PCGF2: variants seen among roughly 807,000 people sequenced by gnomAD.
PCGF2 encodes the protein polycomb group ring finger 2, also known as polycomb group RING finger protein 2.
Under a neutral mutation model 36.1 loss-of-function variants are expected in PCGF2, and 8 were observed. The ratio of observed to expected loss-of-function variants is 0.22; its 90% confidence interval spans 0.13 to 0.40. PCGF2 has a LOEUF of 0.40. PCGF2 is among the 10% of genes least tolerant of loss of function. The pLI is 1.00. For missense variants in PCGF2, 436 were observed against 475.9 expected (o/e 0.92, Z 0.78); for synonymous variants, 198 against 191.2 (o/e 1.04, Z -0.29).
rs947817635 is a variant in PCGF2, at chr17:38,736,114, G to A, written c.633C>T (p.Ile211=). 8 of 1,584,484 alleles carry A rather than the reference G, an allele frequency of 5.0e-6. No homozygotes were observed. The highest frequency in any genetic ancestry group is 3.6e-5 in the Admixed American group (2 of 55,338). The change falls in exon 10 of 11, where the codon ATC becomes ATT. Residue 211 remains isoleucine, a synonymous_variant. Transcript: ENST00000620225. Reference sequence around the variant, plus strand: ...CCCGCCGCCAGGGGTAGATGTAGGCGATGTCCATGAGGGTGTAGTATTCCT... The same window carrying A: ...CCCGCCGCCAGGGGTAGATGTAGGCAATGTCCATGAGGGTGTAGTATTCCT... ...PLKEYYTLMD[I]AYIYPWRRNG...
At chr17:38,745,187 T>C (rs1452826363) in intron 2 of PCGF2, among the ~76,000 whole-genome samples, 2 of 152,038 alleles carry the variant, frequency 1.3e-5, no homozygotes, top group Non-Finnish European at 2.9e-5. Context: ...AAAACATTAG[T>C]TGGGTGTGGT....
intron 2 of PCGF2, among the ~76,000 whole-genome samples, chr17:38,747,620 G>A (rs1907621904): frequency 6.6e-6 from 1 of 151,878 alleles, no homozygotes. Context: ...GGAGGTGCCC[G>A]AGAGGACCCG....
chr17:38,738,602 A>T lies in PCGF2; in HGVS notation c.426-7T>A. 1 of 1,567,938 alleles carries T rather than the reference A, an allele frequency of 6.4e-7. No individual in the cohort carries two copies. The highest frequency in any genetic ancestry group is 8.6e-7 in the Non-Finnish European group (1 of 1,158,374). On this transcript the variant is annotated splice_polypyrimidine_tract_variant and splice_region_variant and intron_variant, in intron 7 of 10. Coordinates refer to ENST00000620225, the MANE Select transcript of PCGF2 (RefSeq NM_007144.3). Reference sequence around the variant, plus strand: ...CTTCTTCTCGTCCCGGTCCCTGGGGACGGAGAAAGAATGAAGCTAGGAAGA... The same window carrying T: ...CTTCTTCTCGTCCCGGTCCCTGGGGTCGGAGAAAGAATGAAGCTAGGAAGA...
chr17:38,740,915 C>T (rs1278916107), intron 2 of PCGF2, among the ~76,000 whole-genome samples: 1 of 152,088 alleles, frequency 6.6e-6, no homozygotes, highest in East Asian at 1.9e-4. Flanking sequence ...TTTCTGGCCA[C>T]CTCTGAGAGT....
chr17:38,741,225 T>A (rs1053262280), intron 2 of PCGF2, among the ~76,000 whole-genome samples: 1 of 150,226 alleles, frequency 6.7e-6, no homozygotes, highest in African/African-American at 2.5e-5. Flanking sequence ...GAGCCGTGAT[T>A]ATGCCACTGC....
At chr17:38,746,991 A>G (rs1907573455) in intron 2 of PCGF2, among the ~76,000 whole-genome samples, 2 of 152,182 alleles carry the variant, frequency 1.3e-5, no homozygotes, top group Admixed American at 6.5e-5. Context: ...ATCAGAACAG[A>G]GCGGGGAGGG....
chr17:38,749,488 C>CCA, upstream of PCGF2: 1 of 394,710 alleles, frequency 2.5e-6, no homozygotes, highest in Non-Finnish European at 5.3e-6. The surrounding 1 kb of genome is among the most constrained non-coding windows in gnomAD (Gnocchi z 6.5). Flanking sequence ...CGTTACTGGA[C>CCA]GCCCGTGGGC....
chr17:38,742,203 C>T (rs1235147620), intron 2 of PCGF2, among the ~76,000 whole-genome samples: 2 of 152,234 alleles, frequency 1.3e-5, no homozygotes, highest in Non-Finnish European at 2.9e-5. Flanking sequence ...GCAGCCCTCC[C>T]TCCTCTTTCC....
chr17:38,735,397 G>C lies in PCGF2; in HGVS notation c.861C>G (p.Pro287=). 6.4e-7 allele frequency: 1 copy of C among 1,571,382 alleles called. No individual in the cohort carries two copies. Among genetic ancestry groups the C allele is most frequent in the Non-Finnish European group, 8.6e-7 (1 of 1,157,694 alleles). ...PSPATPSHGS[P]SSHGPPATHP... is the part of the protein sequence containing the mutation. ...GGGTGGCTGGAGGCCCATGGGAACTGGGAGAGCCATGGGATGGGGTGGCTG... is the reference window on the plus strand; with the variant it reads ...GGGTGGCTGGAGGCCCATGGGAACTCGGAGAGCCATGGGATGGGGTGGCTG... Residue 287 remains proline (P), a synonymous_variant, in exon 11 of 11, where the codon CCC becomes CCG. Transcript: ENST00000620225.
rs149466132 is a variant in PCGF2, at chr17:38,740,141, G to T, written c.112+150C>A. The T allele has an allele frequency of 4.7e-4, 317 of 668,794 alleles. 1 individual carries two copies. The highest frequency in any genetic ancestry group is 2.5e-3 in the South Asian group (134 of 52,756). 41.4% of individuals were successfully genotyped at this position (668,794 alleles called of 1,614,324 possible). Reference sequence around the variant, plus strand: ...GCGCCCAGTCGCCCCTGCGAGGTAGGCCCTCTGTGACCTAAGGATTCCCAG... The same window carrying T: ...GCGCCCAGTCGCCCCTGCGAGGTAGTCCCTCTGTGACCTAAGGATTCCCAG... On this transcript the variant is annotated intron_variant, in intron 3 of 10. Coordinates refer to ENST00000620225, the MANE Select transcript of PCGF2 (RefSeq NM_007144.3).
At position 38,734,484 on chromosome 17, in the gene PCGF2, C is replaced by T. The variant is rs1598010705; in HGVS notation, c.*739G>A. 6.6e-6 allele frequency: 1 copy of T among 150,528 alleles called. No homozygotes were observed. The highest frequency in any genetic ancestry group is 1.5e-5 in the Non-Finnish European group (1 of 67,860). The allele number at this position is 150,528 out of a possible 1,614,324, so 9.3% of individuals were successfully genotyped here. On this transcript the variant is annotated 3_prime_UTR_variant, in exon 11 of 11. Coordinates refer to ENST00000620225, the MANE Select transcript of PCGF2 (RefSeq NM_007144.3). ...AGCTGAGACCTCTCAGGGCCTGAAT[C>T]TTCTTTTCCACAAGATAAATGATGC...
At chr17:38,738,500 C>T (rs1906937372) in intron 8 of PCGF2, 41 bp downstream of exon 8, 3 of 1,612,864 alleles carry the variant, frequency 1.9e-6, no homozygotes, top group Non-Finnish European at 2.5e-6. Context: ...GCCACTCCCT[C>T]CCAGCCCACA....
chr17:38,740,493 T>G (rs12601476), intron 2 of PCGF2, 51 bp from the exon 3 acceptor site: 4 of 1,413,492 alleles, frequency 2.8e-6, no homozygotes, highest in Middle Eastern at 2.3e-4. Context: ...GGCGCGGTGG[T>G]TCACGCCTGT....
chr17:38,745,173 A>G (rs1907458277), intron 2 of PCGF2, among the ~76,000 whole-genome samples: 2 of 152,246 alleles, frequency 1.3e-5, no homozygotes, highest in South Asian at 4.1e-4. Context: ...TCTACTAAAA[A>G]TACAAAACAT....
Position 38,735,465 on chromosome 17 carries a change from T to C in PCGF2, c.793A>G (p.Ser265Gly). Reference protein sequence around the residue: ...ECESVSDKAPSPATLPATSSS... With the variant: ...ECESVSDKAPGPATLPATSSS... ...GAGGTGGCTGGCAGGGTGGCAGGGC[T>C]GGGAGCCTTGTCGCTGACTGACTCA... Residue 265 changes from serine to glycine, a missense_variant, in exon 11 of 11, where the codon AGC becomes GGC. Around this residue, in one of 3 missense-constraint regions of PCGF2, gnomAD observed 227 missense variants for 212.9 expected, o/e 1.07. Coordinates refer to ENST00000620225, the MANE Select transcript of PCGF2 (RefSeq NM_007144.3). 3.8e-6 allele frequency: 6 copies of C among 1,590,324 alleles called. No individual in the cohort carries two copies. Among genetic ancestry groups the C allele is most frequent in the Non-Finnish European group, 5.1e-6 (6 of 1,168,456 alleles).
At chr17:38,747,299 C>A (rs2143162251) in intron 2 of PCGF2, among the ~76,000 whole-genome samples, 1 of 152,092 alleles carries the variant, frequency 6.6e-6, no homozygotes, top group Middle Eastern at 3.4e-3. Context: ...GGAGGGCGTG[C>A]GCAGGGTGGG....
intron 2 of PCGF2, among the ~76,000 whole-genome samples, chr17:38,743,094 C>CTT (rs71138648): frequency 0.13 from 17,342 of 138,678 alleles, 2,751 homozygotes; most frequent in African/African-American, 0.37. Context: ...GACACTTGCT[C>CTT]TTTTTTTTTT....
At chr17:38,741,854 G>A (rs992785619) in intron 2 of PCGF2, among the ~76,000 whole-genome samples, 12 of 152,144 alleles carry the variant, frequency 7.9e-5, no homozygotes, top group East Asian at 1.9e-4. Context: ...ATGGACAGCC[G>A]CCTGCATGAG....
rs1906505994 is a variant in PCGF2 at position 38,734,295 on chromosome 17, A to G, written c.*928T>C. ...AATTGGAAGGCTGTTTGCCTCTGGC[A>G]AAGTCTGGGATCTGTGCTTGTGTGA... On this transcript the variant is annotated 3_prime_UTR_variant, in exon 11 of 11. Transcript: ENST00000620225. 1 of 152,656 alleles carries G rather than the reference A, an allele frequency of 6.6e-6. No individual in the cohort carries two copies. The highest frequency in any genetic ancestry group is 2.1e-4 in the South Asian group (1 of 4,826). The allele number at this position is 152,656 out of a possible 1,614,324, so 9.5% of individuals were successfully genotyped here.
Sources: gnomAD v4.1 joint callset for allele counts (sites outside exome capture counted in the v4.1 genomes callset) on GRCh38, gnomAD v4.1.1 for gene constraint, gnomAD v4.1.1 regional missense constraint, Gnocchi (gnomAD v3.1) non-coding constraint, MANE v1.5 for transcripts, NCBI Gene and HGNC (gene_info 2026-07-23, HGNC 2026-07-21) for gene names.